The following CAST variants were observed in gnomAD, a reference collection of about 807,000 sequenced individuals.
CAST encodes MIR583 host.
Under a neutral mutation model 119.6 loss-of-function variants are expected in CAST, and 76 were observed. The observed-to-expected ratio is 0.64, with a 90% CI of 0.53 to 0.77. The LOEUF is 0.77. CAST is among the 30% of genes least tolerant of loss of function. CAST has a pLI of 0.00. For synonymous variants in CAST, 319 were observed against 331.6 expected, an observed-to-expected ratio of 0.96 and a Z score of 0.41; for missense variants, 953 against 946.5, an observed-to-expected ratio of 1.01 and a Z score of -0.09.
the CAST span, among the ~76,000 whole-genome samples, chr5:96,238,857 C>T: frequency 1.8e-4 from 27 of 152,030 alleles, no homozygotes; most frequent in Admixed American, 1.6e-3. Context: ...AAGTAGAAAC[C>T]AACAATATGT....
chr5:96,160,079 G>A, the CAST span, among the ~76,000 whole-genome samples: 5 of 152,060 alleles, frequency 3.3e-5, no homozygotes, highest in South Asian at 8.3e-4. Context: ...GGCAGAGGTT[G>A]CAGTGAGCCA....
chr5:96,208,979 A>G, the CAST span, among the ~76,000 whole-genome samples: 1 of 151,912 alleles, frequency 6.6e-6, no homozygotes, highest in African/African-American at 2.4e-5. Context: ...GGTCTCTAAC[A>G]AGTTGTTTTA....
At chr5:96,008,886 T>C in the CAST span, among the ~76,000 whole-genome samples, 1 of 152,218 alleles carries the variant, frequency 6.6e-6, no homozygotes, top group Non-Finnish European at 1.5e-5. Flanking sequence ...GGGTATATTG[T>C]ATGATGCTGA....
chr5:96,414,071 G>A, the CAST span, among the ~76,000 whole-genome samples: 3 of 149,536 alleles, frequency 2.0e-5, no homozygotes, highest in Non-Finnish European at 4.5e-5. Flanking sequence ...CCCGGGAGGC[G>A]GAGCTTGCAG....
At chr5:96,573,284 G>T (rs892318112) in intron 1 of CAST, among the ~76,000 whole-genome samples, 28 of 151,616 alleles carry the variant, frequency 1.8e-4, no homozygotes, top group African/African-American at 6.5e-4. Context: ...ATTTTTTCTT[G>T]TTTTTTTTGT....
At chr5:96,360,302 TTTG>T in the CAST span, among the ~76,000 whole-genome samples, 1 of 152,016 alleles carries the variant, frequency 6.6e-6, no homozygotes, top group Non-Finnish European at 1.5e-5. Flanking sequence ...CTCAGAGGAG[TTTG>T]TTATTACCCA....
the CAST span, among the ~76,000 whole-genome samples, chr5:95,999,452 C>T: frequency 6.6e-6 from 1 of 152,140 alleles, no homozygotes; most frequent in Non-Finnish European, 1.5e-5. Flanking sequence ...CAGGCTCAAA[C>T]GATCCTCCCA....
the CAST span, among the ~76,000 whole-genome samples, chr5:96,285,994 T>G: frequency 1.1e-4 from 16 of 152,272 alleles, no homozygotes; most frequent in South Asian, 3.3e-3. Context: ...GTGGACACAA[T>G]TGAATTACAA....
chr5:96,155,293 G>A, the CAST span, among the ~76,000 whole-genome samples: 1 of 152,154 alleles, frequency 6.6e-6, no homozygotes, highest in Non-Finnish European at 1.5e-5. Context: ...AGCCTAGAGA[G>A]CACTCCTGTT....
chr5:96,373,704 T>C, the CAST span, among the ~76,000 whole-genome samples: 3 of 152,170 alleles, frequency 2.0e-5, no homozygotes, highest in Non-Finnish European at 4.4e-5. Flanking sequence ...TCTATGAGGC[T>C]GGTTGTGCTG....
At chr5:96,671,312 C>T (rs1428611788) in intron 1 of CAST, among the ~76,000 whole-genome samples, 1 of 152,092 alleles carries the variant, frequency 6.6e-6, no homozygotes, top group Admixed American at 6.5e-5. Flanking sequence ...CAATACAGGA[C>T]AGTATTGTGT....
intron 1 of CAST, among the ~76,000 whole-genome samples, chr5:96,581,215 A>T (rs1460232882): frequency 6.6e-6 from 1 of 152,274 alleles, no homozygotes; most frequent in Non-Finnish European, 1.5e-5. Flanking sequence ...CCATCCAAAG[A>T]AAAAGAGGCC....
chr5:96,664,036 G>A (rs766461433), intron 1 of CAST, among the ~76,000 whole-genome samples: 3 of 152,028 alleles, frequency 2.0e-5, no homozygotes, highest in Non-Finnish European at 2.9e-5. Flanking sequence ...AAAAAATTAG[G>A]TATGTCTTTT....
chr5:96,143,375 T>C, the CAST span, among the ~76,000 whole-genome samples: 2 of 152,242 alleles, frequency 1.3e-5, no homozygotes, highest in Non-Finnish European at 2.9e-5. Context: ...ATCTATAGCT[T>C]AAATCTCCTC....
the CAST span, among the ~76,000 whole-genome samples, chr5:96,225,593 A>G: frequency 2.6e-5 from 4 of 152,172 alleles, no homozygotes; most frequent in Non-Finnish European, 5.9e-5. Flanking sequence ...ATTTTCTGAA[A>G]AGTTTTTACT....
intron 1 of CAST, among the ~76,000 whole-genome samples, chr5:96,571,586 A>G (rs1023747746): frequency 1.3e-5 from 2 of 152,192 alleles, no homozygotes; most frequent in Non-Finnish European, 2.9e-5. Flanking sequence ...AGCATGCTTG[A>G]TAGGTTTTCT....
chr5:96,029,154 G>A, the CAST span, among the ~76,000 whole-genome samples: 1 of 152,030 alleles, frequency 6.6e-6, no homozygotes, highest in African/African-American at 2.4e-5. Context: ...CTATACAATG[G>A]GAATACTGAT....
chr5:96,061,323 C>A, the CAST span, among the ~76,000 whole-genome samples: 8 of 152,078 alleles, frequency 5.3e-5, no homozygotes, highest in African/African-American at 1.9e-4. Flanking sequence ...CTATCATGAG[C>A]TGGATTGGGT....
chr5:96,429,140 T>C, the CAST span: 1 of 812,464 alleles, frequency 1.2e-6, no homozygotes, highest in Non-Finnish European at 2.1e-6. Flanking sequence ...AAAATGCTTC[T>C]GTTTTTATTA....
Sources: allele counts gnomAD v4.1 joint callset (sites outside exome capture counted in the v4.1 genomes callset), GRCh38; gene constraint gnomAD v4.1.1; transcripts MANE v1.5; gene names NCBI Gene and HGNC (gene_info 2026-07-23, HGNC 2026-07-21).